SNTG1: variants seen among roughly 807,000 people sequenced by gnomAD.
SNTG1 encodes syntrophin gamma 1.
In SNTG1, 39 loss-of-function variants were observed where a neutral mutation model predicts 74.7. The ratio of observed to expected loss-of-function variants is 0.52; its 90% CI spans 0.40 to 0.68. The LOEUF (loss-of-function observed/expected upper bound fraction) is 0.68. SNTG1 is among the 30% of genes least tolerant of loss of function. The probability of loss-of-function intolerance (pLI) is 0.00; values close to 1 mark genes in which losing one functional copy is unlikely to be tolerated. For synonymous variants in SNTG1, 254 were observed against 217.1 expected, an observed-to-expected ratio of 1.17 and a Z score of -1.49; for missense variants, 685 against 609.5, an observed-to-expected ratio of 1.12 and a Z score of -1.30.
rs186526280 is a variant in SNTG1, at chr8:50,487,010, C to T, written c.364-15768C>T. Among the ~76,000 whole-genome samples the T allele has an allele frequency of 6.1e-3, 936 of 152,276 alleles. 6 individuals carry two copies. The highest frequency in any genetic ancestry group is 0.022 in the African/African-American group (896 of 41,566). On this transcript the variant is annotated intron_variant, in intron 8 of 18. Transcript: ENST00000642720. Reference sequence around the variant, plus strand: ...ATCACAGGGATGAAGCCCACTTGATCATGGTGGATAAGCTTTTTGATGTGC... The same window carrying T: ...ATCACAGGGATGAAGCCCACTTGATTATGGTGGATAAGCTTTTTGATGTGC...
chr8:50,081,829 C>A (rs949817597), intron 1 of SNTG1, among the ~76,000 whole-genome samples: 10 of 152,120 alleles, frequency 6.6e-5, no homozygotes, highest in African/African-American at 1.9e-4. Context: ...GAGGAGGTTT[C>A]ACCATGTTGG....
At chr8:50,689,728 G>A (rs2095369127) in intron 15 of SNTG1, among the ~76,000 whole-genome samples, 1 of 152,100 alleles carries the variant, frequency 6.6e-6, no homozygotes, top group Non-Finnish European at 1.5e-5. Flanking sequence ...TTGTGTCTCT[G>A]CCAGGCTTTG....
At chr8:50,475,330 T>G (rs990783887) in intron 8 of SNTG1, among the ~76,000 whole-genome samples, 1 of 152,102 alleles carries the variant, frequency 6.6e-6, no homozygotes, top group African/African-American at 2.4e-5. Context: ...TTAAAATTTT[T>G]TTAAAATCAT....
Position 50,553,078 on chromosome 8 carries a change from G to A in SNTG1, c.709G>A (p.Asp237Asn), listed in dbSNP as rs1262058926. 1 of 1,613,910 alleles carries A rather than the reference G, an allele frequency of 6.2e-7. No homozygotes were observed. Among genetic ancestry groups the A allele is most frequent in the South Asian group, 1.1e-5 (1 of 91,082 alleles). ...RQNAFQVIAV[D>N]GVCTGIIQCL... ...GAATGCCTTTCAAGTCATTGCTGTG[G>A]ATGGGGTCTGCACTGGGATTATTCA... The change falls in exon 12 of 19, where the codon GAT becomes AAT. Residue 237 changes from aspartate (D) to asparagine (N), a missense_variant. Asp to Asn is a conservative substitution (Grantham distance 23). Transcript: ENST00000642720.
intron 1 of SNTG1, 105 bp from the exon 2 acceptor site, chr8:50,172,456 T>A (rs1424367859): frequency 1.3e-5 from 2 of 152,198 alleles, no homozygotes; most frequent in Non-Finnish European, 2.9e-5. Context: ...TAAATAGCAG[T>A]CTTGTCTTCC....
chr8:50,115,711 C>T (rs994646892), intron 1 of SNTG1, among the ~76,000 whole-genome samples: 9 of 151,622 alleles, frequency 5.9e-5, no homozygotes, highest in African/African-American at 2.2e-4. Context: ...GTGTCTAGAA[C>T]TTTATTGTTT....
chr8:50,483,586 G>T (rs1464592521), intron 8 of SNTG1, among the ~76,000 whole-genome samples: 1 of 151,810 alleles, frequency 6.6e-6, no homozygotes, highest in African/African-American at 2.4e-5. Flanking sequence ...ATATCAAAGG[G>T]GATGGCATTT....
intron 2 of SNTG1, among the ~76,000 whole-genome samples, chr8:50,375,528 T>C (rs527948006): frequency 1.3e-5 from 2 of 152,222 alleles, no homozygotes; most frequent in South Asian, 4.1e-4. Flanking sequence ...TGAGAGTAGA[T>C]ACTCCAGGCA....
chr8:50,025,635 T>G (rs999420220), intron 1 of SNTG1, among the ~76,000 whole-genome samples: 5 of 152,156 alleles, frequency 3.3e-5, no homozygotes, highest in Non-Finnish European at 5.9e-5. Flanking sequence ...TTTTAAGCCT[T>G]TCGATGGCAA....
At chr8:49,931,021 A>G (rs963898331) in intron 1 of SNTG1, among the ~76,000 whole-genome samples, 4 of 152,238 alleles carry the variant, frequency 2.6e-5, no homozygotes, top group African/African-American at 9.6e-5. Flanking sequence ...ATACATTTCA[A>G]AGGCAAAAAC....
intron 1 of SNTG1, among the ~76,000 whole-genome samples, chr8:49,987,894 C>T (rs1242886200): frequency 6.6e-6 from 1 of 152,020 alleles, no homozygotes; most frequent in African/African-American, 2.4e-5. Context: ...GCGATCTGCC[C>T]ACCTCAGCCT....
chr8:50,758,731 A>G (rs962109765), intron 18 of SNTG1, among the ~76,000 whole-genome samples: 1 of 152,096 alleles, frequency 6.6e-6, no homozygotes, highest in Non-Finnish European at 1.5e-5. Context: ...ATTGATGGGC[A>G]TATGGGTTGG....
chr8:50,669,562 G>C (rs984290047), intron 15 of SNTG1, among the ~76,000 whole-genome samples: 5 of 151,872 alleles, frequency 3.3e-5, no homozygotes, highest in East Asian at 1.9e-4. Flanking sequence ...GCTTACCAAC[G>C]AAAAAGAGTC....
At position 50,534,675 on chromosome 8, in the gene SNTG1, G is replaced by A. The variant is rs568711365; in HGVS notation, c.550-2003G>A. ...GGGCACCTGTAGTCTCAGCTACTTG[G>A]GAGGCTGAGGCAGGAGGACCACTTG... is the stretch of plus-strand genomic sequence containing the variant. On this transcript the variant is annotated intron_variant, in intron 10 of 18. Coordinates refer to ENST00000642720, the MANE Select transcript of SNTG1 (RefSeq NM_018967.5). Among the ~76,000 whole-genome samples the A allele has an allele frequency of 1.2e-3, 187 of 152,148 alleles. 2 individuals carry two copies. Among genetic ancestry groups the A allele is most frequent in the African/African-American group, 4.3e-3 (180 of 41,518 alleles).
chr8:50,580,105 A>G (rs1392893932), intron 12 of SNTG1, among the ~76,000 whole-genome samples: 1 of 152,264 alleles, frequency 6.6e-6, no homozygotes, highest in Non-Finnish European at 1.5e-5. Context: ...TTGCATCAGC[A>G]TGACTTGGAT....
intron 18 of SNTG1, among the ~76,000 whole-genome samples, chr8:50,769,788 T>C (rs1338382611): frequency 1.3e-5 from 2 of 152,202 alleles, no homozygotes; most frequent in East Asian, 3.9e-4. Context: ...AAACCTGATA[T>C]TGAGATACAA....
chr8:50,471,060 T>G (rs1479155225), intron 8 of SNTG1, among the ~76,000 whole-genome samples: 1 of 152,086 alleles, frequency 6.6e-6, no homozygotes, highest in East Asian at 1.9e-4. Context: ...TTACAAACTT[T>G]AGCTAGACAC....
intron 9 of SNTG1, among the ~76,000 whole-genome samples, chr8:50,525,067 T>C (rs1052677813): frequency 1.3e-5 from 2 of 152,150 alleles, no homozygotes; most frequent in African/African-American, 2.4e-5. Context: ...GTTCTAGTGG[T>C]GATGAAGTCC....
chr8:50,658,387 G>A (rs1279530124), intron 14 of SNTG1, among the ~76,000 whole-genome samples: 1 of 152,112 alleles, frequency 6.6e-6, no homozygotes, highest in Non-Finnish European at 1.5e-5. Context: ...ATCATTTGCT[G>A]AAAGCATAAG....
Sources: allele counts gnomAD v4.1 joint callset (sites outside exome capture counted in the v4.1 genomes callset), GRCh38; gene constraint gnomAD v4.1.1; transcripts MANE v1.5; gene names NCBI Gene and HGNC (gene_info 2026-07-23, HGNC 2026-07-21).